The following KCNIP4 variants were observed in gnomAD, a reference collection of about 807,000 sequenced individuals.
The protein encoded by KCNIP4 is Kv channel-interacting protein 4.
KCNIP4 carries 12 observed loss-of-function variants against 34.0 expected under a neutral mutation model. The observed-to-expected ratio is 0.35, with a 90% CI of 0.23 to 0.57. KCNIP4 has a LOEUF of 0.57. KCNIP4 is among the 20% of genes least tolerant of loss of function. The pLI, the probability that KCNIP4 is intolerant of heterozygous loss-of-function variation, is 0.83. For synonymous variants in KCNIP4, 124 were observed against 102.2 expected (o/e 1.21, Z -1.29); for missense variants, 238 against 311.7 (o/e 0.76, Z 1.78).
In KCNIP4 at chr4:20,762,391, C is replaced by T. The variant is rs906465521; in HGVS notation, c.289-3501G>A. 2.7e-4 allele frequency among the ~76,000 whole-genome samples: 41 copies of T among 152,086 alleles called. 1 individual carries two copies. Among genetic ancestry groups the T allele is most frequent in the Admixed American group, 2.6e-3 (40 of 15,264 alleles). On this transcript the variant is annotated intron_variant, in intron 3 of 8. Coordinates refer to ENST00000382152, the MANE Select transcript of KCNIP4 (RefSeq NM_025221.6). ...ACAAACATTCAGACCATAGCAAAGACCAATAACTAAATATTAAAAAATCAA... is the reference window on the plus strand; with the variant it reads ...ACAAACATTCAGACCATAGCAAAGATCAATAACTAAATATTAAAAAATCAA...
chr4:21,438,086 T>C (rs948738147), intron 1 of KCNIP4, among the ~76,000 whole-genome samples: 4 of 152,186 alleles, frequency 2.6e-5, no homozygotes, highest in Non-Finnish European at 4.4e-5. Context: ...TTGCCAGATA[T>C]TTTCAAAGCG....
intron 3 of KCNIP4, among the ~76,000 whole-genome samples, chr4:20,839,622 C>A (rs1719489078): frequency 6.6e-6 from 1 of 151,728 alleles, no homozygotes; most frequent in Admixed American, 6.6e-5. Context: ...TTATACAACA[C>A]AATTCAGAGT....
At chr4:21,476,633 A>C (rs1450524794) in intron 1 of KCNIP4, among the ~76,000 whole-genome samples, 2 of 152,180 alleles carry the variant, frequency 1.3e-5, no homozygotes, top group Non-Finnish European at 2.9e-5. Context: ...TCTTTACGGC[A>C]ACCCAATAAA....
intron 1 of KCNIP4, among the ~76,000 whole-genome samples, chr4:21,025,282 T>C (rs1468695293): frequency 1.3e-5 from 2 of 152,074 alleles, no homozygotes; most frequent in Admixed American, 1.3e-4. Flanking sequence ...GCTCAGGTGG[T>C]CAGAACTCAG....
chr4:21,464,641 G>A (rs1191127594), intron 1 of KCNIP4: 1 of 151,964 alleles, frequency 6.6e-6, no homozygotes, highest in Non-Finnish European at 1.5e-5. Flanking sequence ...ATATGTACTT[G>A]AAAAGAGTAT....
chr4:21,494,807 A>G (rs947722163), intron 1 of KCNIP4, among the ~76,000 whole-genome samples: 5 of 151,974 alleles, frequency 3.3e-5, no homozygotes, highest in Non-Finnish European at 7.4e-5. Flanking sequence ...AAAATATACA[A>G]TAATTATCCA....
chr4:20,992,362 A>G (rs1291923788), intron 1 of KCNIP4, among the ~76,000 whole-genome samples: 1 of 152,166 alleles, frequency 6.6e-6, no homozygotes, highest in Non-Finnish European at 1.5e-5. Context: ...TCATGAGAAC[A>G]GCATGGGGGA....
intron 1 of KCNIP4, among the ~76,000 whole-genome samples, chr4:21,798,404 C>CATACATATATATATATATATAT (rs557219481): frequency 1.9e-4 from 25 of 129,668 alleles, no homozygotes; most frequent in Non-Finnish European, 3.5e-4. Flanking sequence ...CAAAAAAATA[C>CATACATATATATATATATATAT]ATATATATAT....
intron 1 of KCNIP4, among the ~76,000 whole-genome samples, chr4:21,043,781 T>A (rs1455913479): frequency 6.6e-6 from 1 of 152,180 alleles, no homozygotes; most frequent in African/African-American, 2.4e-5. Context: ...GTATGCCAAA[T>A]GCTTTGCATC....
chr4:21,539,028 G>T (rs754521843), intron 1 of KCNIP4, among the ~76,000 whole-genome samples: 1 of 152,118 alleles, frequency 6.6e-6, no homozygotes, highest in Non-Finnish European at 1.5e-5. Context: ...TGGCTTAAAA[G>T]TGGCAGTTTC....
chr4:20,965,838 G>A (rs772575375), intron 1 of KCNIP4, among the ~76,000 whole-genome samples: 1 of 152,180 alleles, frequency 6.6e-6, no homozygotes, highest in Non-Finnish European at 1.5e-5. Flanking sequence ...CATTGTAGAA[G>A]AGAGATACAA....
chr4:20,974,978 T>C (rs563596819), intron 1 of KCNIP4, among the ~76,000 whole-genome samples: 44 of 152,344 alleles, frequency 2.9e-4, no homozygotes, highest in Middle Eastern at 6.8e-3. Flanking sequence ...GGCACTGTGC[T>C]AAGGAGAATT....
At chr4:20,999,957 C>A (rs112816719) in intron 1 of KCNIP4, among the ~76,000 whole-genome samples, 2 of 152,032 alleles carry the variant, frequency 1.3e-5, no homozygotes, top group African/African-American at 4.8e-5. Flanking sequence ...TATTCATCTC[C>A]ACGTTTGGGG....
At chr4:21,157,716 G>A (rs905407607) in intron 1 of KCNIP4, among the ~76,000 whole-genome samples, 9 of 151,890 alleles carry the variant, frequency 5.9e-5, no homozygotes, top group African/African-American at 1.7e-4. Context: ...ATCTATGTTC[G>A]ATAGCAAAAA....
At chr4:21,725,062 T>C (rs768540368) in intron 1 of KCNIP4, among the ~76,000 whole-genome samples, 10 of 152,142 alleles carry the variant, frequency 6.6e-5, no homozygotes, top group Non-Finnish European at 1.5e-4. Context: ...AGTCTGACTT[T>C]GCGTCTAAAC....
chr4:21,913,890 A>C (rs1728482627), intron 1 of KCNIP4, among the ~76,000 whole-genome samples: 1 of 152,108 alleles, frequency 6.6e-6, no homozygotes, highest in Non-Finnish European at 1.5e-5. Context: ...ACACTTGAGC[A>C]TAAGTGGGAT....
chr4:21,873,255 G>T (rs1410538983), intron 1 of KCNIP4, among the ~76,000 whole-genome samples: 2 of 152,130 alleles, frequency 1.3e-5, no homozygotes, highest in Non-Finnish European at 2.9e-5. Flanking sequence ...TAGTAAAAAG[G>T]TTTCCTCTCA....
chr4:21,884,776 C>T (rs1414286340), intron 1 of KCNIP4, among the ~76,000 whole-genome samples: 1 of 152,012 alleles, frequency 6.6e-6, no homozygotes, highest in African/African-American at 2.4e-5. Flanking sequence ...CTCTCACTAC[C>T]TTCTAGTCAT....
At chr4:21,210,286 G>A (rs1189314587) in intron 1 of KCNIP4, among the ~76,000 whole-genome samples, 5 of 152,168 alleles carry the variant, frequency 3.3e-5, no homozygotes, top group Admixed American at 3.3e-4. Context: ...AACTGCCAAA[G>A]CCAGTATGGA....
Sources: gnomAD v4.1 joint callset for allele counts (sites outside exome capture counted in the v4.1 genomes callset) on GRCh38, gnomAD v4.1.1 for gene constraint, MANE v1.5 for transcripts, NCBI Gene and HGNC (gene_info 2026-07-23, HGNC 2026-07-21) for gene names.